The following TLN2 variants were observed in gnomAD, a reference collection of about 807,000 sequenced individuals.
The protein encoded by TLN2 is talin 2.
A neutral mutation model predicts 294.7 loss-of-function variants in TLN2; 118 were observed. That is an observed-to-expected ratio of 0.40 (90% CI 0.34 to 0.47). TLN2 has a LOEUF of 0.47. TLN2 is among the 20% of genes least tolerant of loss of function. The pLI, the probability that TLN2 is intolerant of heterozygous loss-of-function variation, is 0.84. For missense variants in TLN2, 3,083 were observed against 3,282.2 expected (o/e 0.94, Z 1.48); for synonymous variants, 1,431 against 1,304.5 (o/e 1.10, Z -2.09).
intron 2 of TLN2, among the ~76,000 whole-genome samples, chr15:62,604,013 C>T (rs962098327): frequency 6.6e-6 from 1 of 152,170 alleles, no homozygotes; most frequent in Non-Finnish European, 1.5e-5. Flanking sequence ...ATGGGTGTGG[C>T]TGTGTTCCAA....
chr15:62,690,689 C>T (rs1029684572), intron 12 of TLN2, among the ~76,000 whole-genome samples: 6 of 149,018 alleles, frequency 4.0e-5, no homozygotes, highest in African/African-American at 1.0e-4. Context: ...TGTAGCGAGC[C>T]GAGATCACGC....
chr15:62,551,147 C>T (rs114798641), intron 1 of TLN2, among the ~76,000 whole-genome samples: 225 of 152,188 alleles, frequency 1.5e-3, no homozygotes, highest in African/African-American at 5.2e-3. Context: ...CTAATGCTGC[C>T]ACCTGTCTGA....
At chr15:62,562,078 C>T (rs552827582) in intron 1 of TLN2, among the ~76,000 whole-genome samples, 2 of 152,246 alleles carry the variant, frequency 1.3e-5, no homozygotes, top group South Asian at 4.1e-4. Context: ...ATTCGCGATA[C>T]CTGGCACATA....
chr15:62,753,939 G>T (rs1055508305), intron 36 of TLN2, 23 bp downstream of exon 36: 2 of 1,557,766 alleles, frequency 1.3e-6, no homozygotes, highest in Non-Finnish European at 1.7e-6. Flanking sequence ...GAGGATGTAA[G>T]ATTTCAAGCC....
intron 1 of TLN2, among the ~76,000 whole-genome samples, chr15:62,396,889 G>A (rs1316843653): frequency 1.3e-5 from 2 of 152,150 alleles, no homozygotes; most frequent in African/African-American, 4.8e-5. Context: ...GTTTTTAGTA[G>A]AGATGGGGTT....
chr15:62,635,965 A>G (rs1053147356), intron 3 of TLN2, among the ~76,000 whole-genome samples: 32 of 152,154 alleles, frequency 2.1e-4, no homozygotes, highest in Middle Eastern at 3.4e-3. Context: ...AGTTCACATG[A>G]CTACTCTGTT....
At chr15:62,604,359 AAAAC>A (rs960595231) in intron 2 of TLN2, among the ~76,000 whole-genome samples, 6 of 151,946 alleles carry the variant, frequency 3.9e-5, no homozygotes, top group African/African-American at 9.7e-5. Flanking sequence ...CTTAAAAACA[AAAAC>A]AAACAAAAAA....
At chr15:62,398,102 G>T (rs896364743) in intron 1 of TLN2, among the ~76,000 whole-genome samples, 5 of 152,172 alleles carry the variant, frequency 3.3e-5, no homozygotes, top group African/African-American at 1.2e-4. Context: ...ATCTTGAACT[G>T]TAGTTGCCAT....
intron 1 of TLN2, among the ~76,000 whole-genome samples, chr15:62,444,707 TG>T (rs1477829941): frequency 1.3e-5 from 2 of 152,246 alleles, no homozygotes; most frequent in African/African-American, 4.8e-5. Flanking sequence ...CTAAACTTTT[TG>T]GATGACTTAC....
chr15:62,501,392 A>G (rs977539218), intron 1 of TLN2, among the ~76,000 whole-genome samples: 2 of 152,162 alleles, frequency 1.3e-5, no homozygotes, highest in Non-Finnish European at 2.9e-5. Flanking sequence ...ATGACTGGCC[A>G]TTGAGAACCC....
At chr15:62,796,491 C>G (rs1384045646) in intron 47 of TLN2, among the ~76,000 whole-genome samples, 198 bp downstream of exon 47, 5 of 152,228 alleles carry the variant, frequency 3.3e-5, no homozygotes, top group African/African-American at 4.8e-5. Context: ...GTGGTTCGAG[C>G]TTTGCCTTTG....
chr15:62,644,466 G>A (rs988837746), intron 3 of TLN2: 18 of 455,622 alleles, frequency 4.0e-5, no homozygotes, highest in African/African-American at 2.0e-4. Context: ...CCATCTTTGC[G>A]TTCAATTCTA....
intron 1 of TLN2, among the ~76,000 whole-genome samples, chr15:62,471,122 A>T (rs748292689): frequency 2.2e-4 from 34 of 152,266 alleles, no homozygotes; most frequent in Admixed American, 3.9e-4. Context: ...AAGCAGGAGG[A>T]TGGCTTGAGC....
intron 23 of TLN2, among the ~76,000 whole-genome samples, chr15:62,717,245 G>C (rs1169724318): frequency 2.0e-5 from 3 of 152,118 alleles, no homozygotes; most frequent in Non-Finnish European, 4.4e-5. Flanking sequence ...GCTTGTGGGA[G>C]ATTTTTTTTT....
At chr15:62,673,802 T>C in intron 9 of TLN2, 25 bp from the exon 10 acceptor site, 1 of 1,596,294 alleles carries the variant, frequency 6.3e-7, no homozygotes, top group Non-Finnish European at 8.6e-7. Flanking sequence ...TAAATGCCTT[T>C]CCTTTTTAAA....
Position 62,701,179 on chromosome 15 carries a change from C to T in TLN2, c.1661C>T (p.Thr554Met), listed in dbSNP as rs755513274. 1.9e-6 allele frequency: 3 copies of T among 1,614,022 alleles called. No homozygotes were observed. The highest frequency in any genetic ancestry group is 1.7e-5 in the Admixed American group (1 of 60,000). Reference protein sequence around the residue: ...HEIHSQVDAITAGTASVVNLT... With the variant: ...HEIHSQVDAIMAGTASVVNLT... The stretch of plus-strand genomic sequence containing the variant: ...ATCCATTCTCAAGTTGATGCTATCA[C>T]GGCCGGAACGGCTTCAGTTGTTAAC... The change falls in exon 17 of 59, where the codon ACG (threonine) becomes ATG (methionine). Residue 554 changes from threonine (T) to methionine (M), a missense_variant. Coordinates refer to ENST00000636159, the MANE Select transcript of TLN2 (RefSeq NM_015059.3).
intron 3 of TLN2, among the ~76,000 whole-genome samples, chr15:62,646,580 G>A (rs1183026967): frequency 6.6e-6 from 1 of 152,196 alleles, no homozygotes; most frequent in African/African-American, 2.4e-5. Flanking sequence ...ATCACGTGAA[G>A]CTTCTTGGTA....
intron 37 of TLN2, among the ~76,000 whole-genome samples, chr15:62,758,194 A>G (rs1595894848): frequency 6.6e-6 from 1 of 152,038 alleles, no homozygotes; most frequent in East Asian, 1.9e-4. Flanking sequence ...AGCACGAGGG[A>G]GCAGGAGCAG....
At chr15:62,635,408 T>G (rs987443904) in intron 3 of TLN2, among the ~76,000 whole-genome samples, 1 of 152,212 alleles carries the variant, frequency 6.6e-6, no homozygotes, top group Non-Finnish European at 1.5e-5. Context: ...ATTTACAATA[T>G]TATGTATTTA....
Sources: allele counts gnomAD v4.1 joint callset (sites outside exome capture counted in the v4.1 genomes callset), GRCh38; gene constraint gnomAD v4.1.1; transcripts MANE v1.5; gene names NCBI Gene and HGNC (gene_info 2026-07-23, HGNC 2026-07-21).